Variants in SAMD5 observed in about 807,000 individuals in gnomAD.
SAMD5 encodes sterile alpha motif domain containing 5, also known as sterile alpha motif domain-containing protein 5.
In SAMD5, 13 loss-of-function variants were observed where a neutral mutation model predicts 11.3. The ratio of observed to expected loss-of-function variants is 1.15; its 90% CI spans 0.75 to 1.83. The LOEUF is 1.83. SAMD5 is among the 40% of genes most tolerant of loss of function. SAMD5 has a pLI of 0.00. For synonymous variants in SAMD5, 129 were observed against 111.3 expected (o/e 1.16, Z -1.00); for missense variants, 255 against 239.1 (o/e 1.07, Z -0.44).
the SAMD5 span, among the ~76,000 whole-genome samples, chr6:147,870,480 GTGTA>G: frequency 0.016 from 2,143 of 136,850 alleles, 34 homozygotes; most frequent in African/African-American, 0.051. Context: ...GTGTGTGTGT[GTGTA>G]TATATATATG....
the SAMD5 span, among the ~76,000 whole-genome samples, chr6:147,905,108 G>T: frequency 6.6e-6 from 1 of 151,946 alleles, no homozygotes; most frequent in Non-Finnish European, 1.5e-5. Flanking sequence ...GGCTGGTCTC[G>T]AACTCCCGAC....
chr6:147,700,175 C>T (rs1288667432), intron 1 of SAMD5, among the ~76,000 whole-genome samples: 2 of 152,094 alleles, frequency 1.3e-5, no homozygotes, highest in African/African-American at 2.4e-5. Flanking sequence ...TTATTAAACT[C>T]GTAAGATTTT....
At chr6:147,802,554 T>C in the SAMD5 span, among the ~76,000 whole-genome samples, 1,872 of 152,292 alleles carry the variant, frequency 0.012, 49 homozygotes, top group African/African-American at 0.042. Flanking sequence ...GTTCCACCCC[T>C]GGGTAGAGAA....
the SAMD5 span, among the ~76,000 whole-genome samples, chr6:147,930,511 G>A: frequency 1.3e-5 from 2 of 152,144 alleles, no homozygotes; most frequent in African/African-American, 4.8e-5. Context: ...TTATTAGGGA[G>A]AATTGGCTCA....
chr6:147,947,566 A>G, the SAMD5 span: 1 of 152,208 alleles, frequency 6.6e-6, no homozygotes, highest in Non-Finnish European at 1.5e-5. Context: ...TCAAAGATGC[A>G]TGTGAATTGC....
chr6:147,713,890 C>A (rs756683111), intron 1 of SAMD5, among the ~76,000 whole-genome samples: 2 of 152,108 alleles, frequency 1.3e-5, no homozygotes, highest in African/African-American at 2.4e-5. Context: ...TTCCTCTCCT[C>A]TTGTCCCTTC....
At chr6:147,576,393 G>A (rs1789217782) in intron 1 of SAMD5, among the ~76,000 whole-genome samples, 1 of 151,988 alleles carries the variant, frequency 6.6e-6, no homozygotes. Context: ...CACCTGCCTC[G>A]GCCTCAAAGT....
chr6:147,583,573 C>G (rs1270343422), intron 1 of SAMD5, among the ~76,000 whole-genome samples: 1 of 152,104 alleles, frequency 6.6e-6, no homozygotes, highest in Non-Finnish European at 1.5e-5. Context: ...CTCTGATATG[C>G]CTGGACCAGC....
chr6:147,588,205 CGGT>C (rs1789402356), intron 1 of SAMD5, among the ~76,000 whole-genome samples: 1 of 150,484 alleles, frequency 6.6e-6, no homozygotes, highest in African/African-American at 2.4e-5. Context: ...TAACAAATCT[CGGT>C]GGGAACTTGA....
At chr6:147,691,426 GAT>G (rs1446378498) in intron 1 of SAMD5, among the ~76,000 whole-genome samples, 1 of 151,990 alleles carries the variant, frequency 6.6e-6, no homozygotes, top group East Asian at 1.9e-4. Context: ...CCAAATTATA[GAT>G]ATATATACTA....
At chr6:147,904,646 T>G in the SAMD5 span, among the ~76,000 whole-genome samples, 1 of 152,218 alleles carries the variant, frequency 6.6e-6, no homozygotes, top group African/African-American at 2.4e-5. Flanking sequence ...CCTGATTGCC[T>G]GGGCTGATCT....
At chr6:147,654,715 A>T (rs1368483680) in intron 1 of SAMD5, among the ~76,000 whole-genome samples, 1 of 151,108 alleles carries the variant, frequency 6.6e-6, no homozygotes, top group African/African-American at 2.4e-5. Flanking sequence ...TTTTTTCTCC[A>T]TGATTCTCAA....
chr6:147,951,109 T>C, the SAMD5 span, among the ~76,000 whole-genome samples: 1 of 152,006 alleles, frequency 6.6e-6, no homozygotes, highest in Non-Finnish European at 1.5e-5. Context: ...TCCAGGATTC[T>C]ATTTGGTCAT....
chr6:147,577,222 C>A (rs577265273), intron 1 of SAMD5, among the ~76,000 whole-genome samples: 3 of 152,142 alleles, frequency 2.0e-5, no homozygotes, highest in Admixed American at 2.0e-4. Flanking sequence ...AATCAATAAC[C>A]GTCTTGCTGA....
At chr6:147,613,137 C>CCCTGATTTTAT (rs1265849242) in intron 1 of SAMD5, among the ~76,000 whole-genome samples, 1 of 152,078 alleles carries the variant, frequency 6.6e-6, no homozygotes, top group African/African-American at 2.4e-5. Flanking sequence ...GGTGACAGAG[C>CCCTGATTTTAT]AAGACTCCAT....
rs193217024 is a variant in SAMD5 at position 147,548,149 on chromosome 6, G to A, written c.460-16245G>A. On this transcript the variant is annotated intron_variant, in intron 1 of 1. Transcript: ENST00000367474. Reference sequence around the variant, plus strand: ...CAATTAAGAGAAAGAGATTTAGCGGGGAGTGGGAAGTAGAGAGACAGCACA... The same window carrying A: ...CAATTAAGAGAAAGAGATTTAGCGGAGAGTGGGAAGTAGAGAGACAGCACA... 1.1e-4 allele frequency among the ~76,000 whole-genome samples: 16 copies of A among 152,238 alleles called. 1 individual carries two copies. In the East Asian group the frequency reaches 2.9e-3, roughly 28 times the overall value.
At chr6:147,875,660 C>G in the SAMD5 span, among the ~76,000 whole-genome samples, 14,043 of 152,054 alleles carry the variant, frequency 0.092, 750 homozygotes, top group East Asian at 0.26. Flanking sequence ...CCATCACTCG[C>G]AAAACCGCCT....
intron 1 of SAMD5, among the ~76,000 whole-genome samples, chr6:147,558,513 C>T (rs1221024792): frequency 6.6e-6 from 1 of 152,064 alleles, no homozygotes; most frequent in East Asian, 1.9e-4. Flanking sequence ...ACTGTGATTC[C>T]AGACAATCCA....
intron 1 of SAMD5, among the ~76,000 whole-genome samples, chr6:147,511,128 A>G (rs900174252): frequency 1.6e-4 from 25 of 152,258 alleles, no homozygotes; most frequent in Non-Finnish European, 3.2e-4. Context: ...GTGTGTCACT[A>G]GAGCTTACTT....
Sources: allele counts gnomAD v4.1 joint callset (sites outside exome capture counted in the v4.1 genomes callset), GRCh38; gene constraint gnomAD v4.1.1; transcripts MANE v1.5; gene names NCBI Gene and HGNC (gene_info 2026-07-23, HGNC 2026-07-21).